Variants in DSCAM observed in about 807,000 individuals in gnomAD.
The protein encoded by DSCAM is DS cell adhesion molecule.
DSCAM carries 47 observed loss-of-function variants against 217.7 expected under a neutral mutation model. The observed-to-expected ratio is 0.22, with a 90% CI of 0.17 to 0.28. The LOEUF is 0.28. Among genes scored for constraint, DSCAM ranks in the 10% least tolerant of loss-of-function variants. The pLI is 1.00. For synonymous variants in DSCAM, 1,056 were observed against 1,015.3 expected (o/e 1.04, Z -0.76); for missense variants, 2,080 against 2,618.3 (o/e 0.79, Z 4.49).
At chr21:40,418,930 T>A (rs1461087938) in intron 3 of DSCAM, among the ~76,000 whole-genome samples, 1 of 152,084 alleles carries the variant, frequency 6.6e-6, no homozygotes, top group Non-Finnish European at 1.5e-5. Flanking sequence ...TTCCAAAAAT[T>A]CCAGGAATTC....
intron 16 of DSCAM, among the ~76,000 whole-genome samples, chr21:40,148,025 T>C (rs2090378869): frequency 6.6e-6 from 1 of 152,172 alleles, no homozygotes; most frequent in Non-Finnish European, 1.5e-5. Context: ...GATAGGGCTT[T>C]TTTGATTATT....
chr21:40,501,849 C>A (rs1488022904), intron 3 of DSCAM, among the ~76,000 whole-genome samples: 1 of 152,214 alleles, frequency 6.6e-6, no homozygotes, highest in Non-Finnish European at 1.5e-5. Context: ...CCACCTTGGC[C>A]TCCCAAAGTG....
intron 11 of DSCAM, among the ~76,000 whole-genome samples, chr21:40,229,931 C>G (rs1159007161): frequency 6.6e-6 from 1 of 152,246 alleles, no homozygotes; most frequent in African/African-American, 2.4e-5. Context: ...CGAGCTGGCT[C>G]TATACTTCTG....
intron 3 of DSCAM, among the ~76,000 whole-genome samples, chr21:40,614,633 T>G (rs974566561): frequency 1.3e-5 from 2 of 152,206 alleles, no homozygotes; most frequent in African/African-American, 4.8e-5. Context: ...CACATAGATT[T>G]GATTAAACAT....
At chr21:40,259,276 CTT>C (rs34049418) in intron 11 of DSCAM, among the ~76,000 whole-genome samples, 8 of 119,656 alleles carry the variant, frequency 6.7e-5, no homozygotes, top group Admixed American at 1.7e-4. Context: ...TTAATGAACT[CTT>C]TTTTTTTTTT....
chr21:40,488,486 G>A (rs1041096634), intron 3 of DSCAM, among the ~76,000 whole-genome samples: 1 of 152,200 alleles, frequency 6.6e-6, no homozygotes, highest in African/African-American at 2.4e-5. Context: ...GTTTGACTCT[G>A]CTGCATTTCA....
At position 40,579,696 on chromosome 21, in the gene DSCAM, C is replaced by T. The variant is rs369871119; in HGVS notation, c.508+113114G>A. 1.5e-3 allele frequency among the ~76,000 whole-genome samples: 234 copies of T among 152,222 alleles called. 11 individuals carry two copies. In the South Asian group the frequency reaches 0.047, roughly 31 times the overall value. ...TAAGATCGTCGCTAGAAAATCATTA[C>T]AAAAATTCTGAAGGAAAATAAATGT... is the stretch of plus-strand genomic sequence containing the variant. On this transcript the variant is annotated intron_variant, in intron 3 of 32. Transcript: ENST00000400454.
intron 11 of DSCAM, among the ~76,000 whole-genome samples, chr21:40,205,147 G>A (rs549047252): frequency 2.0e-5 from 3 of 152,308 alleles, no homozygotes; most frequent in East Asian, 3.9e-4. Context: ...CATGTGTAAA[G>A]GTCCCTCCCA....
At chr21:40,031,607 T>C (rs75333435) in intron 32 of DSCAM, among the ~76,000 whole-genome samples, 4,136 of 152,162 alleles carry the variant, frequency 0.027, 93 homozygotes, top group Non-Finnish European at 0.044. Context: ...GCCCAGCTCA[T>C]AGAAGATGGT....
intron 32 of DSCAM, among the ~76,000 whole-genome samples, chr21:40,018,622 C>G (rs986659363): frequency 6.6e-6 from 1 of 152,186 alleles, no homozygotes; most frequent in Non-Finnish European, 1.5e-5. Flanking sequence ...CCCGGCTGGA[C>G]TGCAGAATGC....
chr21:40,814,614 T>C (rs1216528618), intron 1 of DSCAM, among the ~76,000 whole-genome samples: 6 of 152,172 alleles, frequency 3.9e-5, no homozygotes, highest in South Asian at 4.1e-4. Context: ...ACATAGATCA[T>C]TGTTGTCAAG....
chr21:40,168,374 T>C (rs917952436), intron 15 of DSCAM, among the ~76,000 whole-genome samples: 1 of 152,202 alleles, frequency 6.6e-6, no homozygotes, highest in African/African-American at 2.4e-5. Context: ...TAAAACATTT[T>C]GCCAACCAAG....
intron 10 of DSCAM, among the ~76,000 whole-genome samples, chr21:40,280,727 T>C (rs1344757828): frequency 6.6e-6 from 1 of 152,192 alleles, no homozygotes; most frequent in African/African-American, 2.4e-5. Flanking sequence ...TTTATGCAAA[T>C]GGACTTTATT....
chr21:40,776,793 A>G (rs913491914), intron 1 of DSCAM, among the ~76,000 whole-genome samples: 1 of 152,242 alleles, frequency 6.6e-6, no homozygotes, highest in Non-Finnish European at 1.5e-5. Context: ...AGATTAATAT[A>G]ATGAGAGTGT....
At chr21:40,326,157 C>A (rs1427023907) in intron 8 of DSCAM, among the ~76,000 whole-genome samples, 2 of 152,030 alleles carry the variant, frequency 1.3e-5, no homozygotes, top group African/African-American at 4.8e-5. Context: ...AAAGGGGGGA[C>A]AAGTTAAAAT....
chr21:40,565,598 A>C (rs192884579), intron 3 of DSCAM, among the ~76,000 whole-genome samples: 2 of 152,304 alleles, frequency 1.3e-5, no homozygotes, highest in East Asian at 3.9e-4. Context: ...ATAGCTTCTG[A>C]ATTATCATCA....
At chr21:40,360,836 T>C (rs1342989968) in intron 4 of DSCAM, among the ~76,000 whole-genome samples, 2 of 152,190 alleles carry the variant, frequency 1.3e-5, no homozygotes, top group South Asian at 2.1e-4. Context: ...TACTCAGTAA[T>C]GGGATTGCTG....
In DSCAM at chr21:40,544,327, G is replaced by A. The variant is rs1374164530; in HGVS notation, c.508+148483C>T. ...GAATAGCAGCTGTACTAAGTTGAGC[G>A]GTGTCACCCCAAAATTAAGAAAGTC... On this transcript the variant is annotated intron_variant, in intron 3 of 32. Transcript: ENST00000400454. Among the ~76,000 whole-genome samples, 8 of 152,256 alleles carry A rather than the reference G, an allele frequency of 5.3e-5. No homozygotes were observed. In the East Asian group the frequency reaches 5.8e-4, roughly 11 times the overall value.
chr21:40,357,862 A>T (rs1030477037), intron 4 of DSCAM, among the ~76,000 whole-genome samples: 2 of 12,094 alleles, frequency 1.7e-4, no homozygotes, highest in Non-Finnish European at 2.8e-4. Context: ...AAAGTATAAT[A>T]AAAAAAAACA....
Sources: gnomAD v4.1 joint callset for allele counts (sites outside exome capture counted in the v4.1 genomes callset) on GRCh38, gnomAD v4.1.1 for gene constraint, MANE v1.5 for transcripts, NCBI Gene and HGNC (gene_info 2026-07-23, HGNC 2026-07-21) for gene names.